Variants in PRKCH observed in about 807,000 individuals in gnomAD.
The protein encoded by PRKCH is protein kinase C eta, also known as protein kinase C eta type.
PRKCH carries 28 observed loss-of-function variants against 82.5 expected under a neutral mutation model. The ratio of observed to expected loss-of-function variants is 0.34; its 90% CI spans 0.25 to 0.47. The LOEUF is 0.47. Among genes scored for constraint, PRKCH ranks in the 20% least tolerant of loss-of-function variants. The probability of loss-of-function intolerance (pLI) is 1.00; values close to 1 mark genes in which losing one functional copy is unlikely to be tolerated. For synonymous variants in PRKCH, 322 were observed against 327.4 expected (o/e 0.98, Z 0.18); for missense variants, 705 against 881.8 (o/e 0.80, Z 2.54).
intron 1 of PRKCH, among the ~76,000 whole-genome samples, chr14:61,255,532 TA>T (rs1024658568): frequency 6.6e-6 from 1 of 151,866 alleles, no homozygotes; most frequent in Non-Finnish European, 1.5e-5. Context: ...ATTATTATCT[TA>T]AAAAAAAGAC....
At chr14:61,317,581 C>T (rs879932478), upstream of PRKCH, among the ~76,000 whole-genome samples, 11 of 152,274 alleles carry the variant, frequency 7.2e-5, no homozygotes, top group Non-Finnish European at 1.3e-4. Flanking sequence ...GCCCATGTGG[C>T]GTTCTTTAGT....
intron 1 of PRKCH, among the ~76,000 whole-genome samples, chr14:61,218,154 A>G (rs1184326512): frequency 6.6e-6 from 1 of 152,206 alleles, no homozygotes; most frequent in Non-Finnish European, 1.5e-5. Context: ...AGTTAAAACA[A>G]GCTGGGTTCT....
In PRKCH at chr14:61,530,314, A is replaced by G. The variant is rs1476400404; in HGVS notation, c.1573-93A>G. On this transcript the variant is annotated intron_variant, in intron 11 of 13. Coordinates refer to ENST00000332981, the MANE Select transcript of PRKCH (RefSeq NM_006255.5). ...AGGAGACTTTTTTAAAAAAACTTTG[A>G]TATTTCCTAATGCATCAATTTCCCT... 8 of 1,321,400 alleles carry G rather than the reference A, an allele frequency of 6.1e-6. No individual in the cohort carries two copies. In the African/African-American group the frequency reaches 8.9e-5, roughly 15 times the overall value. The allele number at this position is 1,321,400 out of a possible 1,614,324, so 81.9% of individuals were successfully genotyped here. A position where few individuals can be genotyped will look rare whatever the true frequency, so the allele number is the denominator to read the frequency against.
At chr14:61,191,000 T>G (rs187447089) in intron 1 of PRKCH, among the ~76,000 whole-genome samples, 2 of 152,138 alleles carry the variant, frequency 1.3e-5, no homozygotes, top group African/African-American at 4.8e-5. Context: ...CAGAAACAAA[T>G]GCAATAATAG....
intron 9 of PRKCH, among the ~76,000 whole-genome samples, chr14:61,482,555 G>C (rs558873391): frequency 6.6e-6 from 1 of 152,106 alleles, no homozygotes; most frequent in Non-Finnish European, 1.5e-5. Context: ...GCATTAAGTC[G>C]TCGTCGTGTC....
chr14:61,440,509 A>C (rs542106055), intron 2 of PRKCH, among the ~76,000 whole-genome samples: 12 of 152,340 alleles, frequency 7.9e-5, no homozygotes, highest in African/African-American at 2.6e-4. Context: ...CTCTTTCTGC[A>C]TTTCACTCTT....
At chr14:61,238,458 G>A (rs1027489539) in intron 1 of PRKCH, among the ~76,000 whole-genome samples, 1 of 152,082 alleles carries the variant, frequency 6.6e-6, no homozygotes, top group African/African-American at 2.4e-5. Context: ...CTCCAAACTA[G>A]GGTAAATTCA....
intron 10 of PRKCH, among the ~76,000 whole-genome samples, chr14:61,505,339 A>G (rs776802311): frequency 3.4e-5 from 5 of 146,202 alleles, no homozygotes; most frequent in Non-Finnish European, 7.4e-5. Flanking sequence ...GAGACTTCAC[A>G]TGGTGGAAGC....
chr14:61,266,034 G>A (rs149596245), intron 1 of PRKCH, among the ~76,000 whole-genome samples: 10 of 152,234 alleles, frequency 6.6e-5, no homozygotes, highest in Non-Finnish European at 1.3e-4. Context: ...GGCAGAAGTT[G>A]CAGTGAGCTG....
chr14:61,242,452 C>T (rs1263751053), intron 1 of PRKCH, among the ~76,000 whole-genome samples: 1 of 152,228 alleles, frequency 6.6e-6, no homozygotes, highest in Non-Finnish European at 1.5e-5. Flanking sequence ...GGCTGGAGTG[C>T]AGTGGCACGA....
At chr14:61,532,003 C>G (rs753537753) in intron 12 of PRKCH, among the ~76,000 whole-genome samples, 4 of 152,196 alleles carry the variant, frequency 2.6e-5, no homozygotes, top group Non-Finnish European at 5.9e-5. Context: ...CATGATAACA[C>G]AGCCTCATCG....
At chr14:61,416,759 T>C (rs1449954347) in intron 2 of PRKCH, among the ~76,000 whole-genome samples, 4 of 152,072 alleles carry the variant, frequency 2.6e-5, no homozygotes, top group African/African-American at 9.7e-5. Flanking sequence ...CTCCTGCCCT[T>C]AGCTTTCTGT....
chr14:61,401,202 A>T (rs1881599045), intron 2 of PRKCH, among the ~76,000 whole-genome samples: 1 of 152,126 alleles, frequency 6.6e-6, no homozygotes, highest in South Asian at 2.1e-4. Context: ...TGAGTTTAAG[A>T]TTTGCTCAGG....
chr14:61,376,218 C>A (rs534166775), intron 1 of PRKCH, among the ~76,000 whole-genome samples: 1 of 152,032 alleles, frequency 6.6e-6, no homozygotes, highest in Non-Finnish European at 1.5e-5. Flanking sequence ...GGGTAGCCAG[C>A]GTGCCTTTCC....
chr14:61,283,593 T>C (rs1158011032), intron 1 of PRKCH, among the ~76,000 whole-genome samples: 1 of 152,170 alleles, frequency 6.6e-6, no homozygotes, highest in Admixed American at 6.5e-5. Context: ...ATGCCTATAA[T>C]TCAAGCACTT....
intron 2 of PRKCH, among the ~76,000 whole-genome samples, chr14:61,432,317 A>G (rs1318006934): frequency 2.6e-5 from 4 of 151,958 alleles, no homozygotes; most frequent in Non-Finnish European, 5.9e-5. Flanking sequence ...ATTTACTTAC[A>G]TGTTTATAAT....
intron 1 of PRKCH, among the ~76,000 whole-genome samples, chr14:61,336,095 C>A (rs879277464): frequency 1.3e-5 from 2 of 152,182 alleles, no homozygotes; most frequent in Admixed American, 1.3e-4. Context: ...CATATACTAC[C>A]GCAGAAAAAT....
At chr14:61,540,917 A>T (rs2043175353) in intron 12 of PRKCH, among the ~76,000 whole-genome samples, 1 of 152,224 alleles carries the variant, frequency 6.6e-6, no homozygotes, top group Non-Finnish European at 1.5e-5. Flanking sequence ...GGAAGATTAC[A>T]GTTTGTTTCC....
At chr14:61,317,185 G>A (rs1177475356), upstream of PRKCH, among the ~76,000 whole-genome samples, 3 of 152,116 alleles carry the variant, frequency 2.0e-5, no homozygotes, top group Non-Finnish European at 4.4e-5. Context: ...GTCTCAGAAC[G>A]CTATGATCTC....
Sources: allele counts gnomAD v4.1 joint callset (sites outside exome capture counted in the v4.1 genomes callset), GRCh38; gene constraint gnomAD v4.1.1; transcripts MANE v1.5; gene names NCBI Gene and HGNC (gene_info 2026-07-23, HGNC 2026-07-21).